Variants in CPNE4 observed in about 807,000 individuals in gnomAD.
CPNE4 encodes the protein copine 4.
Under a neutral mutation model 67.9 loss-of-function variants are expected in CPNE4, and 25 were observed. The observed-to-expected ratio is 0.37, with a 90% CI of 0.27 to 0.51. The LOEUF (loss-of-function observed/expected upper bound fraction) is 0.51, where lower values mean the gene tolerates loss of function less well. CPNE4 is among the 20% of genes least tolerant of loss of function. The probability of loss-of-function intolerance (pLI) is 0.93; values close to 1 mark genes in which losing one functional copy is unlikely to be tolerated. For synonymous variants in CPNE4, 242 were observed against 244.9 expected, an observed-to-expected ratio of 0.99 and a Z score of 0.11; for missense variants, 464 against 690.8, an observed-to-expected ratio of 0.67 and a Z score of 3.68.
intron 2 of CPNE4, among the ~76,000 whole-genome samples, chr3:131,904,630 T>G (rs894221518): frequency 1.3e-5 from 2 of 152,074 alleles, no homozygotes; most frequent in East Asian, 1.9e-4. Flanking sequence ...TTACCCTGGA[T>G]AGTAAGTAGC....
intron 1 of CPNE4, among the ~76,000 whole-genome samples, chr3:131,980,124 A>G (rs1422769249): frequency 1.3e-5 from 2 of 152,136 alleles, no homozygotes; most frequent in African/African-American, 4.8e-5. Flanking sequence ...CACAGCTCTT[A>G]AAATTCTTTC....
chr3:131,774,354 A>C (rs1463132322), intron 2 of CPNE4, among the ~76,000 whole-genome samples: 1 of 151,130 alleles, frequency 6.6e-6, no homozygotes, highest in Non-Finnish European at 1.5e-5. Context: ...AAAAAAAAGG[A>C]CCTCTTTCTT....
At chr3:131,861,218 T>C (rs998646835) in intron 2 of CPNE4, among the ~76,000 whole-genome samples, 6 of 152,206 alleles carry the variant, frequency 3.9e-5, no homozygotes, top group African/African-American at 1.4e-4. Context: ...ACATAGGTTA[T>C]TGTTTACTGC....
chr3:132,010,867 T>C (rs1352678151), intron 1 of CPNE4, among the ~76,000 whole-genome samples: 2 of 152,080 alleles, frequency 1.3e-5, no homozygotes, highest in Non-Finnish European at 2.9e-5. Context: ...CTCCCTTTTT[T>C]CCAAACCCCA....
chr3:131,978,698 T>C (rs951862840), intron 1 of CPNE4, among the ~76,000 whole-genome samples: 1 of 149,356 alleles, frequency 6.7e-6, no homozygotes, highest in African/African-American at 2.5e-5. Context: ...CATTTAGTTC[T>C]GCTCTGATCT....
chr3:131,641,598 G>A lies in CPNE4; in HGVS notation c.681+28077C>T, dbSNP rs1013889449. On this transcript the variant is annotated intron_variant, in intron 7 of 15. Coordinates refer to ENST00000429747, the MANE Select transcript of CPNE4 (RefSeq NM_130808.3). ...AACTAGTACAATCACTCTGGAAAAC[G>A]GTGTGGAGATTCCTTAAAGAACTAA... Among the ~76,000 whole-genome samples the A allele has an allele frequency of 5.9e-5, 9 of 152,228 alleles. No homozygotes were observed. The South Asian group carries it at 1.5e-3, about 25-fold the overall frequency.
chr3:131,570,962 C>T (rs563628972), intron 10 of CPNE4, among the ~76,000 whole-genome samples: 190 of 151,978 alleles, frequency 1.3e-3, no homozygotes, highest in Admixed American at 2.6e-3. Flanking sequence ...CCTTGTACCT[C>T]TTGCCTTCCC....
chr3:131,832,426 G>A (rs1230875553), intron 2 of CPNE4, among the ~76,000 whole-genome samples: 1 of 152,174 alleles, frequency 6.6e-6, no homozygotes, highest in Non-Finnish European at 1.5e-5. Context: ...ACTAGACAGA[G>A]TCTCTGCCAG....
intron 9 of CPNE4, among the ~76,000 whole-genome samples, chr3:131,579,837 T>C (rs1276451855): frequency 6.6e-6 from 1 of 152,218 alleles, no homozygotes; most frequent in African/African-American, 2.4e-5. Flanking sequence ...AGTGGTTTCT[T>C]GAATCTGCTC....
chr3:131,657,262 A>G (rs1321491929), intron 7 of CPNE4, among the ~76,000 whole-genome samples: 1 of 152,170 alleles, frequency 6.6e-6, no homozygotes, highest in Non-Finnish European at 1.5e-5. Context: ...TTAATTTTGT[A>G]TCTAGAAATT....
intron 2 of CPNE4, among the ~76,000 whole-genome samples, chr3:131,767,258 A>T (rs950187620): frequency 1.8e-5 from 1 of 55,694 alleles, no homozygotes; most frequent in Non-Finnish European, 3.7e-5. Flanking sequence ...GCTAAGTGTG[A>T]GCGTGTGTGT....
intron 11 of CPNE4, among the ~76,000 whole-genome samples, chr3:131,561,659 C>T (rs1209006097): frequency 5.3e-5 from 8 of 152,002 alleles, no homozygotes; most frequent in Non-Finnish European, 1.0e-4. Context: ...ATTTCTAAGG[C>T]TCATGGGGAT....
intron 7 of CPNE4, among the ~76,000 whole-genome samples, chr3:131,642,269 G>A (rs1440580807): frequency 6.6e-6 from 1 of 151,314 alleles, no homozygotes; most frequent in Non-Finnish European, 1.5e-5. Context: ...TAAGACTATA[G>A]AGAAATTTGA....
chr3:131,960,799 T>C (rs1017557481), intron 1 of CPNE4, among the ~76,000 whole-genome samples: 5 of 152,192 alleles, frequency 3.3e-5, no homozygotes, highest in Admixed American at 6.5e-5. Context: ...AAAACCCCAA[T>C]TTTTCAGCCC....
At chr3:131,723,846 A>G (rs1309041833) in intron 2 of CPNE4, among the ~76,000 whole-genome samples, 2 of 152,156 alleles carry the variant, frequency 1.3e-5, no homozygotes, top group East Asian at 3.9e-4. Context: ...TAACTTGAAG[A>G]TTTAGAGCTC....
intron 2 of CPNE4, among the ~76,000 whole-genome samples, chr3:131,876,802 C>A (rs114188529): frequency 0.02 from 3,093 of 152,176 alleles, 97 homozygotes; most frequent in African/African-American, 0.069. Context: ...ACATCACTAA[C>A]CAGAAGACCT....
intron 1 of CPNE4, among the ~76,000 whole-genome samples, chr3:132,024,421 C>G (rs1476794464): frequency 1.3e-5 from 2 of 152,108 alleles, no homozygotes; most frequent in Non-Finnish European, 2.9e-5. Flanking sequence ...GTAAAGCACC[C>G]TGTGGATCAA....
At chr3:132,012,170 T>C (rs1008676623) in intron 1 of CPNE4, among the ~76,000 whole-genome samples, 2 of 107,916 alleles carry the variant, frequency 1.9e-5, no homozygotes, top group African/African-American at 6.3e-5. Context: ...CTTTTGCTTT[T>C]TCGTTTTTTT....
intron 1 of CPNE4, among the ~76,000 whole-genome samples, chr3:131,987,058 G>A (rs2073067003): frequency 6.6e-6 from 1 of 152,166 alleles, no homozygotes; most frequent in African/African-American, 2.4e-5. Context: ...CAGTGAGAAT[G>A]AATGCTCCAT....
Sources: gnomAD v4.1 joint callset for allele counts (sites outside exome capture counted in the v4.1 genomes callset) on GRCh38, gnomAD v4.1.1 for gene constraint, MANE v1.5 for transcripts, NCBI Gene and HGNC (gene_info 2026-07-23, HGNC 2026-07-21) for gene names.